Variants in EML5 observed in about 807,000 individuals in gnomAD.
The protein encoded by EML5 is EMAP like 5.
EML5 carries 120 observed loss-of-function variants against 250.0 expected under a neutral mutation model. The ratio of observed to expected loss-of-function variants is 0.48; its 90% CI spans 0.41 to 0.56. The LOEUF (loss-of-function observed/expected upper bound fraction) is 0.56, where lower values mean the gene tolerates loss of function less well. EML5 is among the 20% of genes least tolerant of loss of function. The pLI, the probability that EML5 is intolerant of heterozygous loss-of-function variation, is 0.00. For missense variants in EML5, 2,006 were observed against 2,437.6 expected (o/e 0.82, Z 3.73); for synonymous variants, 771 against 806.5 (o/e 0.96, Z 0.75).
intron 1 of EML5, among the ~76,000 whole-genome samples, chr14:88,762,242 G>A (rs1249691796): frequency 6.6e-6 from 1 of 152,160 alleles, no homozygotes; most frequent in Non-Finnish European, 1.5e-5. Context: ...CATGCGTAGT[G>A]GCTCACACCT....
chr14:88,783,242 C>T (rs762377305), intron 1 of EML5, among the ~76,000 whole-genome samples: 1 of 152,172 alleles, frequency 6.6e-6, no homozygotes, highest in Non-Finnish European at 1.5e-5. Flanking sequence ...GGGGTTGGAT[C>T]CCCTACACAG....
In EML5 at chr14:88,781,120, C is replaced by A. The variant is rs906567297; in HGVS notation, c.197+11187G>T. Reference sequence around the variant, plus strand: ...GTGATGTAAACTCACAATTTAGGCTCCTCTATATCACCCTGTGGGTTTAGG... The same window carrying A: ...GTGATGTAAACTCACAATTTAGGCTACTCTATATCACCCTGTGGGTTTAGG... On this transcript the variant is annotated intron_variant, in intron 1 of 43. Coordinates refer to ENST00000554922, the MANE Select transcript of EML5 (RefSeq NM_183387.3). Among the ~76,000 whole-genome samples, 7 of 152,178 alleles carry A rather than the reference C, an allele frequency of 4.6e-5. No individual in the cohort carries two copies. The East Asian group carries it at 1.3e-3, about 29-fold the overall frequency.
chr14:88,761,935 T>C (rs1464263006), intron 1 of EML5, among the ~76,000 whole-genome samples: 2 of 152,258 alleles, frequency 1.3e-5, no homozygotes, highest in Non-Finnish European at 2.9e-5. Context: ...TGTGTTGCTC[T>C]AATGACCAGA....
rs563353090 is a variant in EML5, at chr14:88,682,621, C to G, written c.2983-590G>C. 3.9e-5 allele frequency among the ~76,000 whole-genome samples: 6 copies of G among 152,236 alleles called. No individual in the cohort carries two copies. The South Asian group carries it at 8.3e-4, about 21-fold the overall frequency. ...CCAAGAACACTAGGCTCTCTCTCCCCCCAGCTCGCGGTCAGAGCACTATCT... is the reference window on the plus strand; with the variant it reads ...CCAAGAACACTAGGCTCTCTCTCCCGCCAGCTCGCGGTCAGAGCACTATCT... On this transcript the variant is annotated intron_variant, in intron 20 of 43. Coordinates refer to ENST00000554922, the MANE Select transcript of EML5 (RefSeq NM_183387.3).
chr14:88,745,823 C>G (rs1418115531), intron 3 of EML5, among the ~76,000 whole-genome samples: 1 of 152,060 alleles, frequency 6.6e-6, no homozygotes, highest in Non-Finnish European at 1.5e-5. Context: ...GGTTAAAAGT[C>G]TTATACCTAA....
At chr14:88,703,761 A>T (rs534470555) in intron 13 of EML5, among the ~76,000 whole-genome samples, 89 of 152,234 alleles carry the variant, frequency 5.8e-4, no homozygotes, top group African/African-American at 2.0e-3. Flanking sequence ...AGAATCCAGA[A>T]CCCGTATTTT....
At chr14:88,722,138 A>G (rs2093599971) in intron 8 of EML5, among the ~76,000 whole-genome samples, 1 of 152,340 alleles carries the variant, frequency 6.6e-6, no homozygotes, top group Non-Finnish European at 1.5e-5. Context: ...GGTTGAAGAG[A>G]AATAGGAATG....
chr14:88,715,574 C>T lies in EML5; in HGVS notation c.1188-379G>A, dbSNP rs898788117. 2.1e-4 allele frequency among the ~76,000 whole-genome samples: 32 copies of T among 151,268 alleles called. 1 individual carries two copies. Among genetic ancestry groups the T allele is most frequent in the Admixed American group, 2.0e-3 (30 of 15,194 alleles). On this transcript the variant is annotated intron_variant, in intron 8 of 43. Coordinates refer to ENST00000554922, the MANE Select transcript of EML5 (RefSeq NM_183387.3). ...TAATTTAAACACTATAATTTTCAAA[C>T]AATTTTTTTTTGTAAGGAGCTAAAT...
chr14:88,630,341 T>G (rs1152381), intron 33 of EML5, among the ~76,000 whole-genome samples: 127,604 of 152,096 alleles, frequency 0.84, 54,046 homozygotes, highest in East Asian at 0.92. Context: ...AATAAAAACT[T>G]TATTTTAAAA....
intron 10 of EML5, among the ~76,000 whole-genome samples, chr14:88,707,696 T>G (rs1381198414): frequency 6.6e-6 from 1 of 152,204 alleles, no homozygotes; most frequent in Admixed American, 6.6e-5. Flanking sequence ...CATCTAAAGT[T>G]ATAATTTACT....
chr14:88,619,057 G>A (rs760601501), intron 39 of EML5: 14 of 305,646 alleles, frequency 4.6e-5, no homozygotes, highest in African/African-American at 8.7e-5. Flanking sequence ...CTTTAAAAAC[G>A]TCTAATGGCT....
rs186008147 is a variant in EML5 at position 88,661,828 on chromosome 14, T to C, written c.3501A>G (p.Val1167=). The change falls in exon 25 of 44, where the codon GTA becomes GTG. Residue 1167 remains valine, a splice_region_variant and synonymous_variant. Coordinates refer to ENST00000554922, the MANE Select transcript of EML5 (RefSeq NM_183387.3). Reference sequence around the variant, plus strand: ...TCCATGATGCCCAAGCAATTTTTTCTACCTAAAAATGAAAAACAATGCTGT... The same window carrying C: ...TCCATGATGCCCAAGCAATTTTTTCCACCTAAAAATGAAAAACAATGCTGT... The part of the protein sequence containing the change: ...GKKQTIPSVE[V]EKIAWASWTS... 20 of 1,605,398 alleles carry C rather than the reference T, an allele frequency of 1.2e-5. No homozygotes were observed. In the Admixed American group the frequency reaches 3.4e-4, roughly 27 times the overall value.
intron 1 of EML5, among the ~76,000 whole-genome samples, chr14:88,757,634 T>C (rs909290935): frequency 9.2e-5 from 14 of 152,032 alleles, no homozygotes. Context: ...AAACTATAAA[T>C]AATCCAATTT....
chr14:88,744,540 T>A (rs941667), intron 3 of EML5, among the ~76,000 whole-genome samples: 25,751 of 151,848 alleles, frequency 0.17, 2,862 homozygotes, highest in African/African-American at 0.31. Flanking sequence ...AAACACTGAT[T>A]TTACAGTAAT....
chr14:88,756,759 G>A (rs1326280135), intron 1 of EML5, among the ~76,000 whole-genome samples: 1 of 151,904 alleles, frequency 6.6e-6, no homozygotes, highest in East Asian at 1.9e-4. Flanking sequence ...AAAACATTTA[G>A]GAATAAATTA....
At chr14:88,712,609 A>G in intron 9 of EML5, 126 bp from the exon 10 acceptor site, 1 of 663,058 alleles carries the variant, frequency 1.5e-6, no homozygotes, top group African/African-American at 1.8e-5. Context: ...AGAGGAAAAT[A>G]CATAAATAGG....
At chr14:88,723,934 TC>T (rs1220569643) in intron 8 of EML5, among the ~76,000 whole-genome samples, 2 of 152,122 alleles carry the variant, frequency 1.3e-5, no homozygotes, top group African/African-American at 4.8e-5. Flanking sequence ...CATTCTATTT[TC>T]TTCCAACTCT....
At chr14:88,631,367 C>A (rs899786597) in intron 33 of EML5, among the ~76,000 whole-genome samples, 1 of 152,202 alleles carries the variant, frequency 6.6e-6, no homozygotes, top group African/African-American at 2.4e-5. Context: ...GCACATGCCA[C>A]CACACCCATC....
chr14:88,622,804 T>TA, intron 36 of EML5, 86 bp from the exon 37 acceptor site: 3 of 691,048 alleles, frequency 4.3e-6, no homozygotes, highest in Non-Finnish European at 6.0e-6. Flanking sequence ...ATAAGCAGAA[T>TA]CTTTTTTTTT....
Sources: allele counts gnomAD v4.1 joint callset (sites outside exome capture counted in the v4.1 genomes callset), GRCh38; gene constraint gnomAD v4.1.1; transcripts MANE v1.5; gene names NCBI Gene and HGNC (gene_info 2026-07-23, HGNC 2026-07-21).